Variants in FAM117B observed in about 807,000 individuals in gnomAD.
The protein encoded by FAM117B is protein FAM117B.
In FAM117B, 22 loss-of-function variants were observed where a neutral mutation model predicts 52.8. That is an observed-to-expected ratio of 0.42 (90% confidence interval 0.30 to 0.59). FAM117B has a LOEUF of 0.59. Ranked by LOEUF, FAM117B falls within the 20% of genes least tolerant of loss-of-function variation. FAM117B has a pLI of 0.22. For synonymous variants in FAM117B, 309 were observed against 324.1 expected, an observed-to-expected ratio of 0.95 and a Z score of 0.50; for missense variants, 678 against 802.6, an observed-to-expected ratio of 0.84 and a Z score of 1.88.
intron 1 of FAM117B, among the ~76,000 whole-genome samples, chr2:202,649,961 G>A (rs1368617338): frequency 6.6e-6 from 1 of 152,018 alleles, no homozygotes; most frequent in African/African-American, 2.4e-5. Context: ...TTCACCTCCT[G>A]GGTTCAAGTG....
chr2:202,662,932 A>C (rs941883483), intron 1 of FAM117B, among the ~76,000 whole-genome samples: 1 of 152,222 alleles, frequency 6.6e-6, no homozygotes, highest in African/African-American at 2.4e-5. Flanking sequence ...GTATTCATGC[A>C]TTGAAACATC....
intron 4 of FAM117B, among the ~76,000 whole-genome samples, chr2:202,750,963 G>A (rs920931892): frequency 2.0e-5 from 3 of 152,136 alleles, no homozygotes; most frequent in Non-Finnish European, 2.9e-5. Context: ...TTTTGTTCCA[G>A]TAGGTAGAAC....
chr2:202,708,646 C>T (rs116489736), intron 2 of FAM117B, among the ~76,000 whole-genome samples: 74 of 152,234 alleles, frequency 4.9e-4, no homozygotes, highest in African/African-American at 1.3e-3. Flanking sequence ...TGTTCTGTTG[C>T]GCAGGCTGAA....
chr2:202,671,936 A>G (rs1690305795), intron 1 of FAM117B, among the ~76,000 whole-genome samples: 1 of 152,130 alleles, frequency 6.6e-6, no homozygotes, highest in African/African-American at 2.4e-5. Context: ...TCCACAATCT[A>G]AGAGTTTTTT....
chr2:202,726,158 AG>A lies in FAM117B; in HGVS notation c.847-89del. 3.8e-6 allele frequency: 3 copies of A among 783,494 alleles called. No homozygotes were observed. In the South Asian group the frequency reaches 5.2e-5, roughly 14 times the overall value. The allele number at this position is 783,494 out of a possible 1,614,324, so 48.5% of individuals were successfully genotyped here. On this transcript the variant is annotated intron_variant, in intron 3 of 7. Transcript: ENST00000392238. The stretch of plus-strand genomic sequence containing the variant: ...GTTCAAAAATTCAAAGGACTTATTA[AG>A]GGTAAGTTTTACTGGTTCTTATTAA...
At chr2:202,739,467 G>A (rs1404718389) in intron 4 of FAM117B, among the ~76,000 whole-genome samples, 1 of 72,002 alleles carries the variant, frequency 1.4e-5, no homozygotes, top group East Asian at 4.2e-4. Context: ...TCCCTCCCTC[G>A]ATCCCTCCCT....
rs894251137 is a variant in FAM117B, at chr2:202,768,547, C to T, written c.*2783C>T. On this transcript the variant is annotated 3_prime_UTR_variant, in exon 8 of 8. Coordinates refer to ENST00000392238, the MANE Select transcript of FAM117B (RefSeq NM_173511.4). ...ATTTTTAAGCATGTAAGCTTTACCACAGTCTTGAAAAAAATATTAACCATA... is the reference window on the plus strand; with the variant it reads ...ATTTTTAAGCATGTAAGCTTTACCATAGTCTTGAAAAAAATATTAACCATA... 1.3e-5 allele frequency: 2 copies of T among 152,424 alleles called. No homozygotes were observed. Among genetic ancestry groups the T allele is most frequent in the Non-Finnish European group, 2.9e-5 (2 of 67,998 alleles). 9.4% of individuals were successfully genotyped at this position (152,424 alleles called of 1,614,324 possible). A position where few individuals can be genotyped will look rare whatever the true frequency, so the allele number is the denominator to read the frequency against.
chr2:202,675,558 A>G (rs780348051), intron 1 of FAM117B, among the ~76,000 whole-genome samples: 16 of 150,304 alleles, frequency 1.1e-4, no homozygotes, highest in Non-Finnish European at 1.9e-4. Flanking sequence ...GGTGTTTAGC[A>G]CCTTGGTCAT....
chr2:202,736,865 G>A (rs1464394448), intron 4 of FAM117B, among the ~76,000 whole-genome samples: 1 of 151,902 alleles, frequency 6.6e-6, no homozygotes, highest in Non-Finnish European at 1.5e-5. Context: ...TTGAATTCCT[G>A]TATAGACCTT....
At chr2:202,668,835 A>C (rs1428845206) in intron 1 of FAM117B, among the ~76,000 whole-genome samples, 1 of 152,144 alleles carries the variant, frequency 6.6e-6, no homozygotes, top group African/African-American at 2.4e-5. Context: ...TCAGTCCAAG[A>C]GAACTAAGTA....
chr2:202,732,242 A>G (rs1010030530), intron 4 of FAM117B, among the ~76,000 whole-genome samples: 4 of 152,104 alleles, frequency 2.6e-5, no homozygotes, highest in African/African-American at 9.7e-5. Context: ...TTGGAGAATA[A>G]TGTGGCAGTT....
intron 1 of FAM117B, among the ~76,000 whole-genome samples, chr2:202,678,255 C>A (rs1273465571): frequency 6.6e-6 from 1 of 152,050 alleles, no homozygotes; most frequent in Non-Finnish European, 1.5e-5. Context: ...TATACAGAGA[C>A]GGAGGGAGTG....
At chr2:202,763,439 A>T (rs1296118691) in intron 7 of FAM117B, among the ~76,000 whole-genome samples, 3 of 152,100 alleles carry the variant, frequency 2.0e-5, no homozygotes, top group African/African-American at 4.8e-5. Flanking sequence ...ATTTGGATGG[A>T]ACTGTTAAAA....
intron 1 of FAM117B, among the ~76,000 whole-genome samples, chr2:202,650,325 C>A (rs780722825): frequency 6.6e-6 from 1 of 152,038 alleles, no homozygotes; most frequent in Non-Finnish European, 1.5e-5. Flanking sequence ...ATAATGTTGC[C>A]AGTATTAACT....
intron 1 of FAM117B, among the ~76,000 whole-genome samples, chr2:202,640,853 T>G (rs1689760518): frequency 1.3e-5 from 2 of 152,236 alleles, no homozygotes; most frequent in South Asian, 4.1e-4. Flanking sequence ...TCAAGCTATC[T>G]GCCTGCCTCA....
At chr2:202,751,081 A>C (rs1691713763) in intron 4 of FAM117B, among the ~76,000 whole-genome samples, 1 of 152,228 alleles carries the variant, frequency 6.6e-6, no homozygotes, top group Non-Finnish European at 1.5e-5. Context: ...AAATCAAAAA[A>C]TATAAGGGCT....
At chr2:202,668,871 A>G (rs758519073) in intron 1 of FAM117B, among the ~76,000 whole-genome samples, 6 of 152,178 alleles carry the variant, frequency 3.9e-5, no homozygotes, top group Non-Finnish European at 5.9e-5. Context: ...GAATTTCTAA[A>G]TGTGGGATTT....
intron 4 of FAM117B, among the ~76,000 whole-genome samples, chr2:202,732,375 T>C (rs1395804195): frequency 1.3e-5 from 2 of 152,184 alleles, no homozygotes; most frequent in Non-Finnish European, 2.9e-5. Flanking sequence ...ATGGCAGCAT[T>C]ATTCATAATA....
rs918251609 is a variant in FAM117B, at chr2:202,767,091, C to T, written c.*1327C>T. On this transcript the variant is annotated 3_prime_UTR_variant, in exon 8 of 8. Coordinates refer to ENST00000392238, the MANE Select transcript of FAM117B (RefSeq NM_173511.4). ...GATTAGGGCTCATCCTAATATAAATCACTGCCAGTATCACATGACATCAGT... is the reference window on the plus strand; with the variant it reads ...GATTAGGGCTCATCCTAATATAAATTACTGCCAGTATCACATGACATCAGT... The T allele has an allele frequency of 6.6e-6, 1 of 151,782 alleles. No homozygotes were observed. Among genetic ancestry groups the T allele is most frequent in the Non-Finnish European group, 1.5e-5 (1 of 67,904 alleles). The allele number at this position is 151,782 out of a possible 1,614,324, so 9.4% of individuals were successfully genotyped here. A position where few individuals can be genotyped will look rare whatever the true frequency, so the allele number is the denominator to read the frequency against.
Sources: allele counts gnomAD v4.1 joint callset (sites outside exome capture counted in the v4.1 genomes callset), GRCh38; gene constraint gnomAD v4.1.1; transcripts MANE v1.5; gene names NCBI Gene and HGNC (gene_info 2026-07-23, HGNC 2026-07-21).